ACCSL: variants seen among roughly 807,000 people sequenced by gnomAD.
The protein encoded by ACCSL is probable inactive 1-aminocyclopropane-1-carboxylate synthase-like protein 2.
ACCSL carries 55 observed loss-of-function variants against 61.7 expected under a neutral mutation model. The observed-to-expected ratio is 0.89, with a 90% CI of 0.72 to 1.12. The LOEUF (loss-of-function observed/expected upper bound fraction) is 1.12. ACCSL is among the 50% of genes most tolerant of loss of function. The probability of loss-of-function intolerance (pLI) is 0.00; values close to 1 mark genes in which losing one functional copy is unlikely to be tolerated. For missense variants in ACCSL, 632 were observed against 698.0 expected (o/e 0.91, Z 1.07); for synonymous variants, 258 against 264.3 (o/e 0.98, Z 0.23).
the ACCSL span, chr11:43,943,238 A>T: frequency 6.6e-7 from 1 of 1,523,260 alleles, no homozygotes; most frequent in African/African-American, 1.4e-5. This position sits in a 1 kb window ranked among gnomAD's most constrained non-coding sequence, Gnocchi z 4.8. Flanking sequence ...ACTGAGGAAC[A>T]GCCTGGACTC....
rs1272835874 is a variant in ACCSL at position 44,051,711 on chromosome 11, A to G, written c.764A>G (p.Asp255Gly). Residue 255 changes from aspartate to glycine, a missense_variant, in exon 5 of 14, where the codon GAT (aspartate) becomes GGT (glycine). Coordinates refer to ENST00000378832, the MANE Select transcript of ACCSL (RefSeq NM_001031854.2). Reference protein sequence around the residue: ...VFCALAMVLCDPGEAFLVPAP... With the variant: ...VFCALAMVLCGPGEAFLVPAP... ...TGTGCCCTGGCCATGGTTCTGTGTG[A>G]TCCAGGCGGTAAGTCAGTGGGCTCT... The G allele has an allele frequency of 1.9e-6, 3 of 1,613,986 alleles. No individual in the cohort carries two copies. In the African/African-American group the frequency reaches 4.0e-5, roughly 22 times the overall value.
At chr11:43,983,602 A>C in the ACCSL span, among the ~76,000 whole-genome samples, 1 of 152,158 alleles carries the variant, frequency 6.6e-6, no homozygotes, top group Non-Finnish European at 1.5e-5. Flanking sequence ...ATTACACCCA[A>C]GTCACTTTGT....
the ACCSL span, among the ~76,000 whole-genome samples, chr11:44,021,885 C>T: frequency 6.6e-6 from 1 of 152,134 alleles, no homozygotes; most frequent in Non-Finnish European, 1.5e-5. Context: ...GTCCCTTCCT[C>T]ACCTTATGTT....
chr11:43,987,412 C>G, the ACCSL span, among the ~76,000 whole-genome samples: 1 of 152,156 alleles, frequency 6.6e-6, no homozygotes, highest in Non-Finnish European at 1.5e-5. Flanking sequence ...TTCCGTGGCC[C>G]AGGTGGGAAG....
At chr11:43,968,623 A>T in the ACCSL span, among the ~76,000 whole-genome samples, 1 of 152,170 alleles carries the variant, frequency 6.6e-6, no homozygotes, top group African/African-American at 2.4e-5. Flanking sequence ...GTTTTAATTT[A>T]ATCAGGGATT....
At chr11:43,989,904 C>A in the ACCSL span, among the ~76,000 whole-genome samples, 2 of 152,246 alleles carry the variant, frequency 1.3e-5, no homozygotes, top group Non-Finnish European at 2.9e-5. Flanking sequence ...GCGGCCCCGC[C>A]AAGAGGTCAG....
At chr11:44,054,749 C>T (rs1952660994) in intron 8 of ACCSL, among the ~76,000 whole-genome samples, 1 of 152,124 alleles carries the variant, frequency 6.6e-6, no homozygotes, top group Admixed American at 6.6e-5. Context: ...ACCACCATGC[C>T]CGGCCCGCCT....
chr11:44,048,287 C>A lies in ACCSL; in HGVS notation c.251C>A (p.Ser84Tyr), dbSNP rs761302315. The stretch of plus-strand genomic sequence containing the variant: ...TGCCGGATGATCAACCTCCTACAGT[C>A]TGGGGCCGCGAGTGGCCTGGAGCTC... Reference protein sequence around the residue: ...LICRMINLLQSGAASGLELQV... With the variant: ...LICRMINLLQYGAASGLELQV... The change falls in exon 1 of 14, where the codon TCT becomes TAT. Residue 84 changes from serine (S) to tyrosine (Y), a missense_variant. Physicochemically the swap from Ser to Tyr is moderately radical, Grantham distance 144. Coordinates refer to ENST00000378832, the MANE Select transcript of ACCSL (RefSeq NM_001031854.2). 5 of 1,614,120 alleles carry A rather than the reference C, an allele frequency of 3.1e-6. No homozygotes were observed. The highest frequency in any genetic ancestry group is 4.2e-6 in the Non-Finnish European group (5 of 1,180,016).
the ACCSL span, among the ~76,000 whole-genome samples, chr11:44,041,111 T>A: frequency 2.6e-5 from 4 of 152,246 alleles, no homozygotes; most frequent in Non-Finnish European, 5.9e-5. Context: ...GAATAATGTT[T>A]TAGCTGTCTT....
chr11:43,952,635 C>A, the ACCSL span, among the ~76,000 whole-genome samples: 1 of 152,216 alleles, frequency 6.6e-6, no homozygotes, highest in South Asian at 2.1e-4. Flanking sequence ...TTGATCATGA[C>A]CCTCTCACGC....
the ACCSL span, among the ~76,000 whole-genome samples, chr11:44,018,524 C>T: frequency 6.6e-6 from 1 of 152,210 alleles, no homozygotes; most frequent in Non-Finnish European, 1.5e-5. Context: ...CCTGGGCAGC[C>T]AGAGATTGAG....
chr11:43,955,597 G>A, the ACCSL span, among the ~76,000 whole-genome samples: 11 of 152,232 alleles, frequency 7.2e-5, no homozygotes, highest in East Asian at 2.1e-3. Context: ...TCTGGTTGGG[G>A]CCACAGGACT....
chr11:43,942,352 C>A, the ACCSL span: 6 of 209,936 alleles, frequency 2.9e-5, no homozygotes, highest in Middle Eastern at 2.0e-3. Flanking sequence ...CCCGCCCAGT[C>A]GCGGCGATTG....
the ACCSL span, among the ~76,000 whole-genome samples, chr11:44,021,647 T>C: frequency 6.6e-6 from 1 of 152,208 alleles, no homozygotes; most frequent in African/African-American, 2.4e-5. Flanking sequence ...TTATCTTTGT[T>C]TTTGTTGCAT....
chr11:44,058,403 G>A lies in ACCSL; in HGVS notation c.1414G>A (p.Glu472Lys), dbSNP rs751858466. Reference sequence around the variant, plus strand: ...CATCACTGCTGAGCTGAAGGCATTGGAGATCCCTTTTCACAACCGCAGCTC... The same window carrying A: ...CATCACTGCTGAGCTGAAGGCATTGAAGATCCCTTTTCACAACCGCAGCTC... Reference protein sequence around the residue: ...KYITAELKALEIPFHNRSSGL... With the variant: ...KYITAELKALKIPFHNRSSGL... Residue 472 changes from glutamate (E) to lysine (K), a missense_variant, in exon 12 of 14, where the codon GAG (glutamate) becomes AAG (lysine). Glu to Lys is a moderately conservative substitution (Grantham distance 56, BLOSUM62 1). Transcript: ENST00000378832. The A allele has an allele frequency of 1.9e-6, 3 of 1,614,132 alleles. No individual in the cohort carries two copies. The highest frequency in any genetic ancestry group is 3.3e-5 in the Admixed American group (2 of 60,018).
At chr11:43,994,609 G>A in the ACCSL span, among the ~76,000 whole-genome samples, 104 of 145,680 alleles carry the variant, frequency 7.1e-4, 1 homozygote, top group South Asian at 0.022. Context: ...GGAGGTAAAA[G>A]GGGTGTTACT....
chr11:44,042,637 GT>G, the ACCSL span, among the ~76,000 whole-genome samples: 1 of 5,508 alleles, frequency 1.8e-4, no homozygotes, highest in African/African-American at 6.4e-4. Context: ...TTTTTTTTTT[GT>G]TTGTTTTGTT....
chr11:43,942,815 G>A, the ACCSL span: 1 of 971,224 alleles, frequency 1.0e-6, no homozygotes, highest in Non-Finnish European at 1.3e-6. Context: ...CGAGCCCCCG[G>A]CTGCTGCCTC....
the ACCSL span, chr11:43,974,190 G>A: frequency 6.6e-6 from 1 of 152,256 alleles, no homozygotes; most frequent in Non-Finnish European, 1.5e-5. Context: ...TTGATGGGCT[G>A]ATTTCTTGTG....
Sources: allele counts gnomAD v4.1 joint callset (sites outside exome capture counted in the v4.1 genomes callset), GRCh38; gene constraint gnomAD v4.1.1; non-coding constraint Gnocchi (gnomAD v3.1); transcripts MANE v1.5; gene names NCBI Gene and HGNC (gene_info 2026-07-23, HGNC 2026-07-21).